The following RAP1GAP2 variants were observed in gnomAD, a reference collection of about 807,000 sequenced individuals.
RAP1GAP2 encodes the protein rap1 GTPase-activating protein 2.
In RAP1GAP2, 27 loss-of-function variants were observed where a neutral mutation model predicts 95.0. The ratio of observed to expected loss-of-function variants is 0.28; its 90% CI spans 0.21 to 0.39. The LOEUF (loss-of-function observed/expected upper bound fraction) is 0.39. Among genes scored for constraint, RAP1GAP2 ranks in the 10% least tolerant of loss-of-function variants. RAP1GAP2 has a pLI of 1.00. For missense variants in RAP1GAP2, 771 were observed against 970.0 expected (o/e 0.79, Z 2.72); for synonymous variants, 373 against 380.9 (o/e 0.98, Z 0.24).
intron 19 of RAP1GAP2, among the ~76,000 whole-genome samples, chr17:3,023,356 C>T (rs192627348): frequency 3.9e-5 from 6 of 152,340 alleles, no homozygotes; most frequent in African/African-American, 1.2e-4. Flanking sequence ...GCTGAATGCT[C>T]AGACAAGTGC....
chr17:2,762,452 C>T (rs1307111469), intron 1 of RAP1GAP2, among the ~76,000 whole-genome samples: 9 of 143,966 alleles, frequency 6.3e-5, no homozygotes, highest in Non-Finnish European at 1.3e-4. Flanking sequence ...GGCTGGAGTG[C>T]AGTGGCACGA....
intron 2 of RAP1GAP2, among the ~76,000 whole-genome samples, chr17:2,801,648 T>A (rs178558): frequency 0.17 from 23,810 of 138,114 alleles, 2,059 homozygotes; most frequent in Middle Eastern, 0.29. Flanking sequence ...TGTGTGTGTG[T>A]GATGTCAGCT....
intron 2 of RAP1GAP2, among the ~76,000 whole-genome samples, chr17:2,863,983 C>T (rs1030119293): frequency 5.3e-5 from 8 of 151,778 alleles, no homozygotes; most frequent in Non-Finnish European, 8.8e-5. Context: ...ACCCGGGAGG[C>T]GGAGGTTGCA....
intron 18 of RAP1GAP2, among the ~76,000 whole-genome samples, chr17:3,019,964 C>T (rs1377346215): frequency 6.6e-6 from 1 of 152,270 alleles, no homozygotes; most frequent in African/African-American, 2.4e-5. Context: ...GTGCCTGTGG[C>T]CCTGGCTCTG....
chr17:2,759,657 G>A (rs1263041713), intron 1 of RAP1GAP2, among the ~76,000 whole-genome samples: 1 of 151,760 alleles, frequency 6.6e-6, no homozygotes, highest in Admixed American at 6.6e-5. Context: ...CACCATGTTG[G>A]CCAGGCTGGT....
intron 2 of RAP1GAP2, among the ~76,000 whole-genome samples, chr17:2,884,896 C>T (rs8068819): frequency 0.54 from 82,629 of 152,028 alleles, 22,638 homozygotes; most frequent in Admixed American, 0.58. Context: ...CGAACAGATA[C>T]TTTTTGAGGG....
intron 2 of RAP1GAP2, among the ~76,000 whole-genome samples, chr17:2,837,767 C>T (rs1163028637): frequency 5.3e-5 from 8 of 151,718 alleles, no homozygotes; most frequent in Middle Eastern, 3.4e-3. Context: ...CCACCATGTC[C>T]GGCTATTTTT....
At position 2,898,820 on chromosome 17, in the gene RAP1GAP2, A is replaced by G. The variant is rs112451806; in HGVS notation, c.81-6464A>G. On this transcript the variant is annotated intron_variant, in intron 2 of 24. Coordinates refer to ENST00000254695, the MANE Select transcript of RAP1GAP2 (RefSeq NM_015085.5). ...GCTGAGTGCTTTCTGGGCCTTCCTCATAACGCCCCATGAGGCGAGGAGTAG... is the reference window on the plus strand; with the variant it reads ...GCTGAGTGCTTTCTGGGCCTTCCTCGTAACGCCCCATGAGGCGAGGAGTAG... Among the ~76,000 whole-genome samples the G allele has an allele frequency of 7.7e-3, 1,175 of 151,806 alleles. 10 individuals are homozygous for G. Among genetic ancestry groups the G allele is most frequent in the South Asian group, 0.023 (109 of 4,824 alleles).
At chr17:2,815,771 C>T (rs187336707) in intron 2 of RAP1GAP2, among the ~76,000 whole-genome samples, 11 of 152,290 alleles carry the variant, frequency 7.2e-5, no homozygotes, top group South Asian at 2.1e-4. Context: ...CGCGAGCCAC[C>T]GCACCCGGCC....
Position 2,993,213 on chromosome 17 carries a change from C to G in RAP1GAP2, c.914+1816C>G, listed in dbSNP as rs555797513. ...CTTCAGCCTGGTCAATAGAGGGAGA[C>G]TCTGTCAAAAAAAAAAAAAAAGGAG... On this transcript the variant is annotated intron_variant, in intron 12 of 24. Transcript: ENST00000254695. Among the ~76,000 whole-genome samples, 66 of 144,222 alleles carry G rather than the reference C, an allele frequency of 4.6e-4. 1 individual carries two copies. In the South Asian group the frequency reaches 0.013, roughly 29 times the overall value. 94.6% of individuals were successfully genotyped at this position (144,222 alleles called of 152,430 possible). A position where few individuals can be genotyped will look rare whatever the true frequency, so the allele number is the denominator to read the frequency against.
In RAP1GAP2 at chr17:2,921,564, C is replaced by T. The variant is rs149609333; in HGVS notation, c.165+16196C>T. On this transcript the variant is annotated intron_variant, in intron 3 of 24. Transcript: ENST00000254695. Reference sequence around the variant, plus strand: ...TCTGGAATTAAGGTGTCAGCAGGGCCGTTAAAGTGTCCGCAGGGCCTTTAA... The same window carrying T: ...TCTGGAATTAAGGTGTCAGCAGGGCTGTTAAAGTGTCCGCAGGGCCTTTAA... 1.6e-3 allele frequency among the ~76,000 whole-genome samples: 236 copies of T among 152,176 alleles called. 1 individual carries two copies. Among genetic ancestry groups the T allele is most frequent in the South Asian group, 0.012 (56 of 4,822 alleles).
rs1203100398 is a variant in RAP1GAP2, at chr17:2,857,436, C to T, written c.81-47848C>T. On this transcript the variant is annotated intron_variant, in intron 2 of 24. Transcript: ENST00000254695. The surrounding 1 kb of genome is among the most constrained non-coding windows in gnomAD (Gnocchi z 4.0). ...AGCTAGTCTTGGTAGTTCCCAAGAA[C>T]TGTGCTCCAGGCTCCAACTTCAATT... Among the ~76,000 whole-genome samples the T allele has an allele frequency of 6.6e-6, 1 of 152,222 alleles. No homozygotes were observed. Among genetic ancestry groups the T allele is most frequent in the Non-Finnish European group, 1.5e-5 (1 of 68,040 alleles).
intron 2 of RAP1GAP2, among the ~76,000 whole-genome samples, chr17:2,770,665 A>G (rs557129167): frequency 9.7e-4 from 148 of 152,352 alleles, no homozygotes; most frequent in African/African-American, 3.4e-3. Flanking sequence ...TCTCCTCTAT[A>G]AAACGGATAG....
chr17:2,822,984 G>A (rs560327143), intron 2 of RAP1GAP2, among the ~76,000 whole-genome samples: 17 of 152,192 alleles, frequency 1.1e-4, no homozygotes, highest in Admixed American at 3.3e-4. Context: ...GTGGTGGTGC[G>A]CATCTGTAAT....
intron 2 of RAP1GAP2, among the ~76,000 whole-genome samples, chr17:2,893,566 C>T (rs2073788040): frequency 6.6e-6 from 1 of 152,232 alleles, no homozygotes; most frequent in Non-Finnish European, 1.5e-5. Context: ...CGCCTTTCCT[C>T]GCCATCCAGG....
chr17:2,952,828 A>T (rs1490241729), intron 3 of RAP1GAP2, among the ~76,000 whole-genome samples: 16 of 150,980 alleles, frequency 1.1e-4, no homozygotes, highest in Admixed American at 1.1e-3. Context: ...TTCTTTTGAG[A>T]CAGTCTCACT....
chr17:2,796,477 C>G lies in RAP1GAP2; in HGVS notation c.-51C>G. On this transcript the variant is annotated 5_prime_UTR_variant, in exon 1 of 25. Transcript: ENST00000254695. The surrounding 1 kb of genome is among the most constrained non-coding windows in gnomAD (Gnocchi z 4.7). ...ACCACGGCCCTCTTGCGGACAGCCC[C>G]GGGGACGTCGTTGGGACATCGCTGG... 1 of 1,549,512 alleles carries G rather than the reference C, an allele frequency of 6.5e-7. No homozygotes were observed. The highest frequency in any genetic ancestry group is 1.2e-5 in the South Asian group (1 of 84,038).
chr17:2,943,054 C>A (rs2043564516), intron 3 of RAP1GAP2, among the ~76,000 whole-genome samples: 1 of 152,200 alleles, frequency 6.6e-6, no homozygotes, highest in Admixed American at 6.5e-5. Context: ...CAGGTGTGAA[C>A]CACCACACCT....
intron 2 of RAP1GAP2, among the ~76,000 whole-genome samples, chr17:2,828,062 C>A (rs979763883): frequency 6.6e-6 from 1 of 152,108 alleles, no homozygotes; most frequent in East Asian, 1.9e-4. Context: ...TATCCTGGGC[C>A]GGGTGCGGTG....
Sources: allele counts gnomAD v4.1 joint callset (sites outside exome capture counted in the v4.1 genomes callset), GRCh38; gene constraint gnomAD v4.1.1; non-coding constraint Gnocchi (gnomAD v3.1); transcripts MANE v1.5; gene names NCBI Gene and HGNC (gene_info 2026-07-23, HGNC 2026-07-21).